The following TMEM178B variants were observed in gnomAD, a reference collection of about 807,000 sequenced individuals.
TMEM178B encodes transmembrane protein 178B.
A neutral mutation model predicts 31.0 loss-of-function variants in TMEM178B; 5 were observed. That is an observed-to-expected ratio of 0.16 (90% CI 0.08 to 0.34). The LOEUF (loss-of-function observed/expected upper bound fraction) is 0.34, where lower values mean the gene tolerates loss of function less well. Ranked by LOEUF, TMEM178B falls within the 10% of genes least tolerant of loss-of-function variation. The probability of loss-of-function intolerance (pLI) is 1.00; values close to 1 mark genes in which losing one functional copy is unlikely to be tolerated. For synonymous variants in TMEM178B, 164 were observed against 164.0 expected (o/e 1.00, Z 0.00); for missense variants, 275 against 400.3 (o/e 0.69, Z 2.67).
At chr7:141,249,458 G>A (rs938113720) in intron 2 of TMEM178B, among the ~76,000 whole-genome samples, 1 of 152,198 alleles carries the variant, frequency 6.6e-6, no homozygotes, top group Admixed American at 6.5e-5. Context: ...ACAGTAAATT[G>A]GTACTGGTAG....
chr7:141,400,783 T>G (rs1800747635), intron 2 of TMEM178B, among the ~76,000 whole-genome samples: 1 of 151,830 alleles, frequency 6.6e-6, no homozygotes, highest in Admixed American at 6.6e-5. Context: ...AGTAGTAGAG[T>G]GGGGAAGTAT....
chr7:141,158,727 G>A (rs1796116263), intron 1 of TMEM178B, among the ~76,000 whole-genome samples: 1 of 152,124 alleles, frequency 6.6e-6, no homozygotes, highest in African/African-American at 2.4e-5. Flanking sequence ...CTGCTGACAA[G>A]TGTGGATGGC....
At chr7:141,086,933 C>T (rs1794797990) in intron 1 of TMEM178B, among the ~76,000 whole-genome samples, 1 of 152,236 alleles carries the variant, frequency 6.6e-6, no homozygotes, top group East Asian at 1.9e-4. Context: ...AGTGATCTGC[C>T]TTCCTTGGCC....
intron 1 of TMEM178B, among the ~76,000 whole-genome samples, chr7:141,198,630 C>A (rs1796824351): frequency 6.6e-6 from 1 of 152,212 alleles, no homozygotes; most frequent in African/African-American, 2.4e-5. Flanking sequence ...CCCTTGCTGG[C>A]CCATCCTTCA....
chr7:141,311,115 A>G (rs1327456044), intron 2 of TMEM178B, among the ~76,000 whole-genome samples: 6 of 152,166 alleles, frequency 3.9e-5, no homozygotes, highest in Non-Finnish European at 5.9e-5. Flanking sequence ...ACATGGACAC[A>G]GGGAAGGGAA....
intron 2 of TMEM178B, among the ~76,000 whole-genome samples, chr7:141,399,007 C>T (rs546055723): frequency 3.9e-5 from 6 of 152,344 alleles, no homozygotes; most frequent in East Asian, 1.9e-4. Flanking sequence ...AAGTATCAAG[C>T]GGTAATCAGT....
chr7:141,325,014 C>T (rs906869748), intron 2 of TMEM178B, among the ~76,000 whole-genome samples: 1 of 151,986 alleles, frequency 6.6e-6, no homozygotes, highest in Non-Finnish European at 1.5e-5. Flanking sequence ...GTGTGAGGGG[C>T]CGATGACAAT....
intron 1 of TMEM178B, among the ~76,000 whole-genome samples, chr7:141,132,676 C>T (rs1483673824): frequency 6.6e-6 from 1 of 152,094 alleles, no homozygotes; most frequent in East Asian, 1.9e-4. Context: ...CACCACCACC[C>T]ATATCATGCG....
chr7:141,259,168 T>G (rs1276016475), intron 2 of TMEM178B, among the ~76,000 whole-genome samples: 1 of 152,210 alleles, frequency 6.6e-6, no homozygotes, highest in East Asian at 1.9e-4. Context: ...GTCTTTAGAT[T>G]GCATGATTTC....
the TMEM178B span, among the ~76,000 whole-genome samples, chr7:141,498,154 T>C: frequency 6.6e-6 from 1 of 152,238 alleles, no homozygotes; most frequent in African/African-American, 2.4e-5. Flanking sequence ...GACCTGGTTT[T>C]CTAAATCTTA....
chr7:141,090,450 T>A (rs1199112330), intron 1 of TMEM178B, among the ~76,000 whole-genome samples: 24 of 152,232 alleles, frequency 1.6e-4, no homozygotes, highest in Admixed American at 1.6e-3. Context: ...CCTCGGGTTG[T>A]CTTGATGAAG....
chr7:141,264,508 G>C (rs1432735627), intron 2 of TMEM178B, among the ~76,000 whole-genome samples: 1 of 152,214 alleles, frequency 6.6e-6, no homozygotes, highest in Non-Finnish European at 1.5e-5. Context: ...AGGGGGGTGA[G>C]GAAGTGACTG....
At chr7:141,398,783 C>T (rs1229102061) in intron 2 of TMEM178B, among the ~76,000 whole-genome samples, 5 of 152,142 alleles carry the variant, frequency 3.3e-5, no homozygotes, top group South Asian at 2.1e-4. Context: ...CAACCGTCTC[C>T]GTCTACAGAG....
At chr7:141,403,570 ATGAT>A (rs1454940720) in intron 2 of TMEM178B, among the ~76,000 whole-genome samples, 3 of 152,332 alleles carry the variant, frequency 2.0e-5, no homozygotes, top group Admixed American at 2.0e-4. Flanking sequence ...TTGCTTTACT[ATGAT>A]CTTGGGCAAG....
At chr7:141,088,715 TAAA>T (rs1243084939) in intron 1 of TMEM178B, among the ~76,000 whole-genome samples, 1 of 152,218 alleles carries the variant, frequency 6.6e-6, no homozygotes, top group Non-Finnish European at 1.5e-5. Flanking sequence ...CTCACTGCCA[TAAA>T]TGTGTTCTTT....
chr7:141,411,083 T>A (rs112266453), intron 2 of TMEM178B, among the ~76,000 whole-genome samples: 170 of 148,310 alleles, frequency 1.1e-3, no homozygotes, highest in African/African-American at 1.7e-3. Context: ...GAAAAATTTT[T>A]AAAAAGAAAT....
chr7:141,456,438 G>A (rs1018278916), intron 3 of TMEM178B, among the ~76,000 whole-genome samples: 1 of 152,146 alleles, frequency 6.6e-6, no homozygotes, highest in African/African-American at 2.4e-5. Flanking sequence ...CCAGGAAGCT[G>A]GTACAGGCTG....
intron 2 of TMEM178B, among the ~76,000 whole-genome samples, chr7:141,294,592 C>T (rs192400265): frequency 9.8e-5 from 15 of 152,308 alleles, no homozygotes; most frequent in Admixed American, 7.2e-4. Flanking sequence ...AGACTTTATA[C>T]ATGGGGAAAA....
chr7:141,418,906 T>TTTAG (rs1801149293), intron 2 of TMEM178B, among the ~76,000 whole-genome samples: 1 of 16,994 alleles, frequency 5.9e-5, no homozygotes, highest in Admixed American at 6.6e-4. Context: ...CCATGCTATT[T>TTTAG]TTATTTATTT....
Sources: allele counts gnomAD v4.1 joint callset (sites outside exome capture counted in the v4.1 genomes callset), GRCh38; gene constraint gnomAD v4.1.1; transcripts MANE v1.5; gene names NCBI Gene and HGNC (gene_info 2026-07-23, HGNC 2026-07-21).